NOTCH2NLC: variants seen among roughly 807,000 people sequenced by gnomAD.
NOTCH2NLC encodes notch 2 N-terminal like C.
A neutral mutation model predicts 17.7 loss-of-function variants in NOTCH2NLC; 4 were observed. The observed-to-expected ratio is 0.23, with a 90% CI of 0.11 to 0.52. NOTCH2NLC has a LOEUF of 0.52. NOTCH2NLC is among the 20% of genes least tolerant of loss of function. The probability of loss-of-function intolerance (pLI) is 0.96; values close to 1 mark genes in which losing one functional copy is unlikely to be tolerated. For missense variants in NOTCH2NLC, 57 were observed against 207.2 expected (o/e 0.28, Z 4.45); for synonymous variants, 18 against 86.0 (o/e 0.21, Z 4.38).
At position 149,470,273 on chromosome 1, in the gene NOTCH2NLC, G is replaced by A. The variant is rs1378798017; in HGVS notation, c.*6120G>A. ...ATACCACTGACAAATAATAATATTA[G>A]CTAATATGTGTAAGGCACTGTGTTT... On this transcript the variant is annotated 3_prime_UTR_variant, in exon 5 of 5. Transcript: ENST00000650865. Among the ~76,000 whole-genome samples the A allele has an allele frequency of 2.0e-5, 3 of 150,868 alleles. No homozygotes were observed. The highest frequency in any genetic ancestry group is 4.4e-5 in the Non-Finnish European group (3 of 67,534).
chr1:149,400,196 A>G (rs1182125346), intron 1 of NOTCH2NLC, among the ~76,000 whole-genome samples: 1 of 138,694 alleles, frequency 7.2e-6, no homozygotes, highest in African/African-American at 2.6e-5. Context: ...CACACATAAT[A>G]TACTATTGTC....
At chr1:149,442,448 CAT>C (rs1366572162) in intron 2 of NOTCH2NLC, among the ~76,000 whole-genome samples, 3 of 112,362 alleles carry the variant, frequency 2.7e-5, no homozygotes, top group African/African-American at 6.8e-5. Flanking sequence ...GTGGTCAAGA[CAT>C]ATACAACCAC....
Position 149,390,743 on chromosome 1 carries a change from G to A in NOTCH2NLC, c.-45G>A. On this transcript the variant is annotated 5_prime_UTR_variant, in exon 1 of 5. Transcript: ENST00000650865. ...CAGGGCCTGAGCCTTTGAAGCAGGA[G>A]GAGGGGAGGAGAGAGTGGGGCTCCT... 2 of 1,248,240 alleles carry A rather than the reference G, an allele frequency of 1.6e-6. No homozygotes were observed. Among genetic ancestry groups the A allele is most frequent in the South Asian group, 2.2e-5 (1 of 44,540 alleles). 77.3% of individuals were successfully genotyped at this position (1,248,240 alleles called of 1,614,324 possible). A position where few individuals can be genotyped will look rare whatever the true frequency, so the allele number is the denominator to read the frequency against.
At chr1:149,393,028 C>T (rs1352480452) in intron 1 of NOTCH2NLC, among the ~76,000 whole-genome samples, 4,494 of 143,086 alleles carry the variant, frequency 0.031, 374 homozygotes, top group East Asian at 0.25. Context: ...CGAGATCCCG[C>T]CACTGCACTC....
At chr1:149,442,079 G>T (rs2084522911) in intron 2 of NOTCH2NLC, among the ~76,000 whole-genome samples, 1 of 149,938 alleles carries the variant, frequency 6.7e-6, no homozygotes, top group Non-Finnish European at 1.5e-5. Flanking sequence ...CTAATCAGCA[G>T]GTCAGATTCC....
intron 1 of NOTCH2NLC, among the ~76,000 whole-genome samples, chr1:149,395,740 A>AT (rs1408913750): frequency 4.2e-5 from 6 of 142,456 alleles, no homozygotes; most frequent in Admixed American, 1.4e-4. Flanking sequence ...TTTTTTTGAG[A>AT]TTTTTTTCAT....
At chr1:149,400,139 A>ATATT (rs1570899101) in intron 1 of NOTCH2NLC, among the ~76,000 whole-genome samples, 126 of 131,916 alleles carry the variant, frequency 9.6e-4, no homozygotes, top group Middle Eastern at 8.2e-3. Context: ...TATAATATAT[A>ATATT]TTTTTTTTTT....
At chr1:149,444,933 G>A (rs1346537970) in intron 2 of NOTCH2NLC, among the ~76,000 whole-genome samples, 5 of 150,234 alleles carry the variant, frequency 3.3e-5, no homozygotes, top group Non-Finnish European at 5.9e-5. Context: ...GTAAGCTATA[G>A]TATTTCCTTT....
At chr1:149,395,604 G>T (rs1411042650) in intron 1 of NOTCH2NLC, among the ~76,000 whole-genome samples, 1 of 149,154 alleles carries the variant, frequency 6.7e-6, no homozygotes, top group Non-Finnish European at 1.5e-5. Flanking sequence ...TACTAGGCCA[G>T]CAATTTCTGT....
Position 149,393,698 on chromosome 1 carries a change from G to A in NOTCH2NLC, c.135+2776G>A, listed in dbSNP as rs1240383199. Reference sequence around the variant, plus strand: ...AATCGGAGTAATTTTCTTTCAGATGGTGATGAAATTTAACCTAAAACTATT... The same window carrying A: ...AATCGGAGTAATTTTCTTTCAGATGATGATGAAATTTAACCTAAAACTATT... On this transcript the variant is annotated intron_variant, in intron 1 of 4. Coordinates refer to ENST00000650865, the MANE Select transcript of NOTCH2NLC (RefSeq NM_001364013.2). 2.6e-4 allele frequency among the ~76,000 whole-genome samples: 37 copies of A among 143,378 alleles called. 2 individuals carry two copies. Among genetic ancestry groups the A allele is most frequent in the Admixed American group, 2.4e-3 (34 of 14,104 alleles). 94.1% of individuals were successfully genotyped at this position (143,378 alleles called of 152,430 possible).
At chr1:149,416,256 T>G (rs1332169241) in intron 1 of NOTCH2NLC, among the ~76,000 whole-genome samples, 1 of 81,914 alleles carries the variant, frequency 1.2e-5, no homozygotes, top group Admixed American at 1.4e-4. Context: ...CTGGATAGTT[T>G]ATTTGTTGGT....
chr1:149,446,520 G>T (rs2084554231), intron 2 of NOTCH2NLC, among the ~76,000 whole-genome samples: 1 of 150,366 alleles, frequency 6.7e-6, no homozygotes, highest in Non-Finnish European at 1.5e-5. Flanking sequence ...TTGAGATGGG[G>T]TTCTCACCAT....
intron 1 of NOTCH2NLC, among the ~76,000 whole-genome samples, chr1:149,429,184 G>A (rs1384728204): frequency 6.7e-6 from 1 of 149,640 alleles, no homozygotes; most frequent in African/African-American, 2.5e-5. Context: ...AGCTGTCATA[G>A]AGATGGGTTG....
intron 1 of NOTCH2NLC, among the ~76,000 whole-genome samples, chr1:149,414,827 C>T (rs1343328738): frequency 4.1e-5 from 6 of 147,968 alleles, no homozygotes; most frequent in Non-Finnish European, 9.0e-5. Flanking sequence ...TGTAGCTTAT[C>T]TTTTACTCCC....
At chr1:149,446,715 G>A (rs2084556069) in intron 2 of NOTCH2NLC, among the ~76,000 whole-genome samples, 1 of 86,160 alleles carries the variant, frequency 1.2e-5, no homozygotes, top group Non-Finnish European at 2.2e-5. Flanking sequence ...GTTTAAAATG[G>A]AAAAATTCTC....
chr1:149,392,930 G>C (rs2084181349), intron 1 of NOTCH2NLC, among the ~76,000 whole-genome samples: 1 of 150,264 alleles, frequency 6.7e-6, no homozygotes, highest in Non-Finnish European at 1.5e-5. Flanking sequence ...AATTAGCCGG[G>C]CGTAGTGGCG....
At chr1:149,429,816 G>C (rs2101488190) in intron 1 of NOTCH2NLC, among the ~76,000 whole-genome samples, 1 of 150,412 alleles carries the variant, frequency 6.6e-6, no homozygotes, top group Non-Finnish European at 1.5e-5. Flanking sequence ...GGTGTGGGTA[G>C]AGGAAACTTG....
At chr1:149,449,031 G>A (rs1192005617) in intron 2 of NOTCH2NLC, among the ~76,000 whole-genome samples, 18 of 147,318 alleles carry the variant, frequency 1.2e-4, no homozygotes, top group Admixed American at 5.4e-4. Context: ...ACAGGCGCCC[G>A]CCACCACGCC....
At chr1:149,415,837 A>T (rs2084332113) in intron 1 of NOTCH2NLC, among the ~76,000 whole-genome samples, 2 of 148,012 alleles carry the variant, frequency 1.4e-5, no homozygotes, top group East Asian at 4.2e-4. Context: ...TTGGCCTGAG[A>T]CATTTCAAAA....
Sources: gnomAD v4.1 joint callset for allele counts (sites outside exome capture counted in the v4.1 genomes callset) on GRCh38, gnomAD v4.1.1 for gene constraint, MANE v1.5 for transcripts, NCBI Gene and HGNC (gene_info 2026-07-23, HGNC 2026-07-21) for gene names.